The following KCTD1 variants were observed in gnomAD, a reference collection of about 807,000 sequenced individuals.
KCTD1 encodes the protein BTB/POZ domain-containing protein KCTD1.
In KCTD1, 24 loss-of-function variants were observed where a neutral mutation model predicts 66.0. The ratio of observed to expected loss-of-function variants is 0.36; its 90% CI spans 0.26 to 0.51. KCTD1 has a LOEUF of 0.51. Among genes scored for constraint, KCTD1 ranks in the 20% least tolerant of loss-of-function variants. KCTD1 has a pLI of 0.95. For missense variants in KCTD1, 943 were observed against 1,205.2 expected (o/e 0.78, Z 3.22); for synonymous variants, 511 against 517.2 (o/e 0.99, Z 0.16).
chr18:26,558,109 G>A (rs372086497), intron 1 of KCTD1, among the ~76,000 whole-genome samples: 6 of 152,194 alleles, frequency 3.9e-5, no homozygotes, highest in Admixed American at 6.5e-5. Context: ...TGGAACTTGC[G>A]TGTGTTTCCA....
At chr18:26,487,852 C>T (rs1454762728) in intron 2 of KCTD1, among the ~76,000 whole-genome samples, 3 of 152,284 alleles carry the variant, frequency 2.0e-5, no homozygotes, top group East Asian at 3.9e-4. Flanking sequence ...CAAGCCCTAA[C>T]CTGAAAATCA....
At chr18:26,482,108 G>A (rs1981680226) in intron 2 of KCTD1, among the ~76,000 whole-genome samples, 1 of 152,188 alleles carries the variant, frequency 6.6e-6, no homozygotes, top group South Asian at 2.1e-4. Flanking sequence ...ACACAGAGGT[G>A]GCTCCAGACC....
intron 1 of KCTD1, chr18:26,545,544 G>A (rs895183951): frequency 7.9e-5 from 12 of 152,158 alleles, no homozygotes; most frequent in Middle Eastern, 3.4e-3. Context: ...TTTGGAAAAA[G>A]CACAGAGGTA....
chr18:26,628,358 C>T (rs1009306974), intron 1 of KCTD1, among the ~76,000 whole-genome samples: 13 of 151,912 alleles, frequency 8.6e-5, no homozygotes, highest in African/African-American at 2.4e-4. Context: ...ACACACAGAC[C>T]TTTTTTCATA....
chr18:26,638,722 TC>T (rs1385596008), intron 1 of KCTD1, among the ~76,000 whole-genome samples: 8 of 152,230 alleles, frequency 5.3e-5, no homozygotes, highest in Admixed American at 5.2e-4. Flanking sequence ...CAACAGCCAG[TC>T]CACCTGAGAA....
At chr18:26,650,485 A>G (rs982886940) in intron 1 of KCTD1, among the ~76,000 whole-genome samples, 2 of 152,186 alleles carry the variant, frequency 1.3e-5, no homozygotes, top group Non-Finnish European at 2.9e-5. Flanking sequence ...GTTACATCTC[A>G]TTTTATTCTC....
upstream of KCTD1, among the ~76,000 whole-genome samples, chr18:26,550,997 T>A (rs1598937511): frequency 6.6e-6 from 1 of 152,172 alleles, no homozygotes; most frequent in African/African-American, 2.4e-5. The surrounding 1 kb of genome is among the most constrained non-coding windows in gnomAD (Gnocchi z 5.4). Flanking sequence ...GCTGCGCTCC[T>A]GGCTTGGCAG....
intron 1 of KCTD1, among the ~76,000 whole-genome samples, chr18:26,512,020 T>C (rs1357611652): frequency 6.6e-6 from 1 of 152,228 alleles, no homozygotes; most frequent in East Asian, 1.9e-4. Flanking sequence ...TTCTTGGATG[T>C]GGTCATTGAA....
At chr18:26,563,372 G>A (rs1985907263) in intron 1 of KCTD1, among the ~76,000 whole-genome samples, 2 of 152,060 alleles carry the variant, frequency 1.3e-5, no homozygotes, top group Admixed American at 1.3e-4. Flanking sequence ...TCCTTTACAG[G>A]GGTCCACCAT....
chr18:26,475,244 C>T (rs79728748), intron 3 of KCTD1, among the ~76,000 whole-genome samples: 11 of 152,224 alleles, frequency 7.2e-5, no homozygotes, highest in East Asian at 5.8e-4. Flanking sequence ...CTATCCTTAA[C>T]GCTTTTTTTC....
intron 1 of KCTD1, among the ~76,000 whole-genome samples, chr18:26,638,263 A>G (rs534034630): frequency 6.6e-6 from 1 of 152,344 alleles, no homozygotes; most frequent in East Asian, 1.9e-4. Context: ...TAACCTTCAT[A>G]ACTTCCTAGA....
chr18:26,612,834 C>T (rs1377900700), intron 1 of KCTD1, among the ~76,000 whole-genome samples: 2 of 152,136 alleles, frequency 1.3e-5, no homozygotes, highest in Admixed American at 1.3e-4. Context: ...TGTTTTCCAC[C>T]TCTCATTTTT....
chr18:26,647,086 A>G (rs35068695), intron 1 of KCTD1, among the ~76,000 whole-genome samples: 56,222 of 152,072 alleles, frequency 0.37, 11,732 homozygotes, highest in Non-Finnish European at 0.48. Context: ...AGGTCTAGAT[A>G]AAGATCTGTT....
At chr18:26,479,063 C>T (rs1046147941) in intron 2 of KCTD1, among the ~76,000 whole-genome samples, 1 of 152,224 alleles carries the variant, frequency 6.6e-6, no homozygotes, top group African/African-American at 2.4e-5. Context: ...CAAAAAACAA[C>T]CTCGGGTGTG....
At chr18:26,637,412 GGGT>G (rs1598978966) in intron 1 of KCTD1, among the ~76,000 whole-genome samples, 1 of 152,210 alleles carries the variant, frequency 6.6e-6, no homozygotes, top group East Asian at 1.9e-4. Context: ...AGATTGCTGG[GGGT>G]GGTGCTGATG....
intron 1 of KCTD1, among the ~76,000 whole-genome samples, chr18:26,637,581 G>C (rs1029988346): frequency 1.3e-5 from 2 of 152,234 alleles, no homozygotes; most frequent in African/African-American, 4.8e-5. Context: ...TAAGAAGCCT[G>C]GCGTCCTTTC....
chr18:26,478,088 T>C (rs1981441990), intron 2 of KCTD1, among the ~76,000 whole-genome samples: 1 of 152,200 alleles, frequency 6.6e-6, no homozygotes, highest in African/African-American at 2.4e-5. Flanking sequence ...CAGGACAATT[T>C]GATACAGGAT....
rs1189632498 is a variant in KCTD1, at chr18:26,547,268, G to A, written c.1269C>T (p.Asn423=). ...CTAGCAAGTTCTTGCCGATGGCTTTGTTCTCGTACCAGGTCACATCGCCCT... is the reference window on the plus strand; with the variant it reads ...CTAGCAAGTTCTTGCCGATGGCTTTATTCTCGTACCAGGTCACATCGCCCT... ...CSEGDVTWYE[N]KAIGKNLLGT... The change falls in exon 1 of 5, where the codon AAC becomes AAT. Residue 423 remains asparagine, a synonymous_variant. Transcript: ENST00000580059. 6.4e-7 allele frequency: 1 copy of A among 1,551,734 alleles called. No individual in the cohort carries two copies. The highest frequency in any genetic ancestry group is 1.4e-5 in the African/African-American group (1 of 73,182).
chr18:26,611,644 C>A (rs1276242705), intron 1 of KCTD1, among the ~76,000 whole-genome samples: 1 of 152,170 alleles, frequency 6.6e-6, no homozygotes, highest in South Asian at 2.1e-4. Context: ...AGCCACCATG[C>A]CTGGCCATAA....
Sources: gnomAD v4.1 joint callset for allele counts (sites outside exome capture counted in the v4.1 genomes callset) on GRCh38, gnomAD v4.1.1 for gene constraint, Gnocchi (gnomAD v3.1) non-coding constraint, MANE v1.5 for transcripts, NCBI Gene and HGNC (gene_info 2026-07-23, HGNC 2026-07-21) for gene names.